The following GABRB1 variants were observed in gnomAD, a reference collection of about 807,000 sequenced individuals.
GABRB1 encodes gamma-aminobutyric acid type A receptor subunit beta1, also known as gamma-aminobutyric acid receptor subunit beta-1.
GABRB1 carries 17 observed loss-of-function variants against 51.6 expected under a neutral mutation model. The ratio of observed to expected loss-of-function variants is 0.33; its 90% CI spans 0.23 to 0.49. The LOEUF (loss-of-function observed/expected upper bound fraction) is 0.49. GABRB1 is among the 20% of genes least tolerant of loss of function. The pLI, the probability that GABRB1 is intolerant of heterozygous loss-of-function variation, is 0.99. For missense variants in GABRB1, 410 were observed against 600.6 expected (o/e 0.68, Z 3.32); for synonymous variants, 247 against 218.9 (o/e 1.13, Z -1.14).
intron 4 of GABRB1, among the ~76,000 whole-genome samples, chr4:47,204,583 C>T (rs1220045544): frequency 6.6e-6 from 1 of 152,082 alleles, no homozygotes; most frequent in African/African-American, 2.4e-5. Context: ...TCCCACAATC[C>T]CCACGTGTCT....
intron 5 of GABRB1, among the ~76,000 whole-genome samples, chr4:47,401,280 G>A (rs62297828): frequency 6.6e-6 from 1 of 151,966 alleles, no homozygotes; most frequent in Non-Finnish European, 1.5e-5. Context: ...AAATGGAAAC[G>A]TTTATGCTCT....
chr4:47,064,983 T>A (rs1169904278), intron 3 of GABRB1, among the ~76,000 whole-genome samples: 1 of 152,208 alleles, frequency 6.6e-6, no homozygotes, highest in African/African-American at 2.4e-5. Flanking sequence ...TTGGCCTCTC[T>A]AGAAGCCTGC....
intron 4 of GABRB1, among the ~76,000 whole-genome samples, chr4:47,257,540 T>C (rs1429390821): frequency 6.6e-6 from 1 of 151,642 alleles, no homozygotes. Flanking sequence ...GAGCCTGCTG[T>C]GTGTGGGGTG....
chr4:47,031,159 C>A (rs919551328), upstream of GABRB1, among the ~76,000 whole-genome samples: 1 of 151,986 alleles, frequency 6.6e-6, no homozygotes, highest in South Asian at 2.1e-4. Context: ...CCACCCACAA[C>A]CCCCGCTGAT....
intron 3 of GABRB1, among the ~76,000 whole-genome samples, chr4:47,037,564 T>TC (rs1268252798): frequency 6.6e-6 from 1 of 150,930 alleles, no homozygotes; most frequent in South Asian, 2.1e-4. Context: ...TTTGTTTTTT[T>TC]TTTTTACTCT....
intron 4 of GABRB1, among the ~76,000 whole-genome samples, chr4:47,210,338 A>G (rs923763176): frequency 6.6e-6 from 1 of 152,208 alleles, no homozygotes; most frequent in African/African-American, 2.4e-5. Flanking sequence ...ACTGCAAAGC[A>G]TATGAATGAA....
chr4:47,195,693 C>G (rs1337668434), intron 4 of GABRB1, among the ~76,000 whole-genome samples: 2 of 152,088 alleles, frequency 1.3e-5, no homozygotes, highest in East Asian at 3.9e-4. Context: ...GATTTATTCT[C>G]TATTTATTTG....
intron 3 of GABRB1, among the ~76,000 whole-genome samples, chr4:47,053,511 C>T (rs538228061): frequency 6.6e-6 from 1 of 152,280 alleles, no homozygotes; most frequent in Non-Finnish European, 1.5e-5. Flanking sequence ...ATAATCTCCC[C>T]AAATCCCCAC....
At chr4:47,097,021 G>A (rs1046941725) in intron 3 of GABRB1, among the ~76,000 whole-genome samples, 3 of 152,086 alleles carry the variant, frequency 2.0e-5, no homozygotes, top group Non-Finnish European at 2.9e-5. Flanking sequence ...ACCACAGTTG[G>A]GTCTACTTTC....
intron 5 of GABRB1, among the ~76,000 whole-genome samples, chr4:47,400,921 C>CTTTTTTTTTTTTTTTTT (rs71195629): frequency 1.0e-5 from 1 of 98,544 alleles, no homozygotes; most frequent in African/African-American, 4.1e-5. Context: ...TTGTTCTTCT[C>CTTTTTTTTTTTTTTTTT]TTTTTTTTTT....
At chr4:47,423,841 C>G (rs1729172816) in intron 8 of GABRB1, among the ~76,000 whole-genome samples, 1 of 152,030 alleles carries the variant, frequency 6.6e-6, no homozygotes, top group Admixed American at 6.6e-5. Flanking sequence ...ACATATATGT[C>G]TTAGTGTTAT....
At chr4:47,021,123 C>G (rs1243116548) in intron 1 of GABRB1, among the ~76,000 whole-genome samples, 2 of 152,190 alleles carry the variant, frequency 1.3e-5, no homozygotes, top group East Asian at 3.9e-4. Context: ...CCACAGATTC[C>G]TATCTGCCAT....
chr4:47,254,265 C>A (rs1427913839), intron 4 of GABRB1, among the ~76,000 whole-genome samples: 2 of 151,818 alleles, frequency 1.3e-5, no homozygotes, highest in African/African-American at 2.4e-5. Flanking sequence ...TACCCCTGTC[C>A]CCACCCCATT....
chr4:47,375,763 G>T (rs114759219), intron 5 of GABRB1, among the ~76,000 whole-genome samples: 1 of 152,110 alleles, frequency 6.6e-6, no homozygotes, highest in Admixed American at 6.5e-5. Context: ...AATTGCAAAG[G>T]GTCTCCCATT....
intron 4 of GABRB1, among the ~76,000 whole-genome samples, chr4:47,168,854 G>A (rs751136953): frequency 7.9e-5 from 12 of 152,116 alleles, no homozygotes; most frequent in Admixed American, 7.2e-4. Flanking sequence ...CATTTTGAGG[G>A]CTCTGAGGAG....
At chr4:47,387,503 A>G (rs946541153) in intron 5 of GABRB1, among the ~76,000 whole-genome samples, 2 of 152,318 alleles carry the variant, frequency 1.3e-5, no homozygotes, top group African/African-American at 4.8e-5. Context: ...CTAAAATAGT[A>G]AGTCAAATTG....
chr4:47,192,701 ATCC>A (rs1719489262), intron 4 of GABRB1, among the ~76,000 whole-genome samples: 1 of 152,212 alleles, frequency 6.6e-6, no homozygotes, highest in African/African-American at 2.4e-5. Flanking sequence ...TAGATCTGTA[ATCC>A]ATTTACTTTA....
chr4:47,153,012 G>A (rs1010579722), intron 3 of GABRB1, among the ~76,000 whole-genome samples: 2 of 151,990 alleles, frequency 1.3e-5, no homozygotes, highest in African/African-American at 2.4e-5. Context: ...ACCACTCTGA[G>A]TTCTCTGAGA....
intron 4 of GABRB1, among the ~76,000 whole-genome samples, chr4:47,233,854 G>C (rs929917814): frequency 6.6e-6 from 1 of 152,098 alleles, no homozygotes; most frequent in South Asian, 2.1e-4. Flanking sequence ...ATAGCATATA[G>C]ACTTTAGATA....
Sources: allele counts gnomAD v4.1 joint callset (sites outside exome capture counted in the v4.1 genomes callset), GRCh38; gene constraint gnomAD v4.1.1; transcripts MANE v1.5; gene names NCBI Gene and HGNC (gene_info 2026-07-23, HGNC 2026-07-21).